The following XXYLT1 variants were observed in gnomAD, a reference collection of about 807,000 sequenced individuals.
The protein encoded by XXYLT1 is UDP-xylose:alpha-xyloside alpha-1,3-xylosyltransferase.
Under a neutral mutation model 28.9 loss-of-function variants are expected in XXYLT1, and 20 were observed. The ratio of observed to expected loss-of-function variants is 0.69; its 90% confidence interval spans 0.49 to 1.00. The LOEUF (loss-of-function observed/expected upper bound fraction) is 1.00, where lower values mean the gene tolerates loss of function less well. XXYLT1 is among the 50% of genes least tolerant of loss of function. XXYLT1 has a pLI of 0.00. For missense variants in XXYLT1, 542 were observed against 560.1 expected (o/e 0.97, Z 0.33); for synonymous variants, 257 against 253.8 (o/e 1.01, Z -0.12).
At chr3:195,070,431 T>A (rs1714738180) in intron 3 of XXYLT1, among the ~76,000 whole-genome samples, 2 of 151,814 alleles carry the variant, frequency 1.3e-5, no homozygotes, top group Non-Finnish European at 2.9e-5. Context: ...TGCTCTGAGA[T>A]GATACATCAT....
At chr3:195,232,741 A>T (rs761965439) in intron 1 of XXYLT1, among the ~76,000 whole-genome samples, 2 of 152,174 alleles carry the variant, frequency 1.3e-5, no homozygotes, top group African/African-American at 2.4e-5. Context: ...GTCAGAGAAG[A>T]TACTTGATAT....
chr3:195,171,543 T>C (rs1185431807), intron 2 of XXYLT1, among the ~76,000 whole-genome samples: 1 of 152,222 alleles, frequency 6.6e-6, no homozygotes, highest in Non-Finnish European at 1.5e-5. Context: ...CATTTTAACC[T>C]TATCCAGGCA....
At chr3:195,141,378 G>A (rs564938170) in intron 3 of XXYLT1, among the ~76,000 whole-genome samples, 11 of 152,316 alleles carry the variant, frequency 7.2e-5, no homozygotes, top group Middle Eastern at 6.8e-3. Flanking sequence ...AGTTTGCTAC[G>A]TGAGTGTCAT....
chr3:195,089,873 A>G (rs575435179), intron 3 of XXYLT1, among the ~76,000 whole-genome samples: 139 of 152,316 alleles, frequency 9.1e-4, no homozygotes, highest in African/African-American at 3.2e-3. Context: ...CAGGGGTTGC[A>G]ATCCTAGTCT....
At chr3:195,123,493 G>A (rs1718470444) in intron 3 of XXYLT1, among the ~76,000 whole-genome samples, 1 of 152,192 alleles carries the variant, frequency 6.6e-6, no homozygotes, top group Admixed American at 6.5e-5. Context: ...TAACAGAGAA[G>A]GCCTCCCTGG....
intron 3 of XXYLT1, among the ~76,000 whole-genome samples, chr3:195,125,070 G>A (rs189307597): frequency 9.2e-5 from 14 of 152,222 alleles, no homozygotes; most frequent in Admixed American, 1.3e-4. Flanking sequence ...CTTGATCCCC[G>A]CCCTCAAGAA....
At chr3:195,094,379 T>C (rs1005283314) in intron 3 of XXYLT1, among the ~76,000 whole-genome samples, 6 of 152,106 alleles carry the variant, frequency 3.9e-5, no homozygotes, top group African/African-American at 1.4e-4. Flanking sequence ...ACCTCGCCCT[T>C]TGCCCAAGAC....
At chr3:195,201,274 C>T (rs772627283) in intron 2 of XXYLT1, among the ~76,000 whole-genome samples, 5 of 152,164 alleles carry the variant, frequency 3.3e-5, no homozygotes, top group Non-Finnish European at 7.4e-5. Context: ...CAGGATTTCC[C>T]TAGAGTGCAT....
At chr3:195,163,672 G>A (rs1338581132) in intron 2 of XXYLT1, among the ~76,000 whole-genome samples, 1 of 152,222 alleles carries the variant, frequency 6.6e-6, no homozygotes, top group Non-Finnish European at 1.5e-5. Context: ...GCATATCACA[G>A]AACACCTCTA....
At position 195,129,215 on chromosome 3, in the gene XXYLT1, C is replaced by CCTCTCT; in HGVS notation, c.785+27228_785+27233dup. The stretch of plus-strand genomic sequence containing the variant: ...ACGGCAGCCATTTACAACCTCCTGC[C>CCTCTCT]CTCTCTCTCTCTCTTTTTTTGGTAA... On this transcript the variant is annotated intron_variant, in intron 3 of 3. Coordinates refer to ENST00000310380, the MANE Select transcript of XXYLT1 (RefSeq NM_152531.5). This position sits in a 1 kb window ranked among gnomAD's most constrained non-coding sequence, Gnocchi z 4.4. Among the ~76,000 whole-genome samples the CCTCTCT allele has an allele frequency of 6.6e-6, 1 of 151,692 alleles. No individual in the cohort carries two copies. The highest frequency in any genetic ancestry group is 1.9e-4 in the East Asian group (1 of 5,158).
chr3:195,155,657 G>A (rs1176177163), intron 3 of XXYLT1, among the ~76,000 whole-genome samples: 1 of 77,834 alleles, frequency 1.3e-5, no homozygotes, highest in Admixed American at 1.6e-4. Flanking sequence ...CCACCCCCAC[G>A]CCCCCCACCG....
chr3:195,220,702 A>G (rs1723787993), intron 2 of XXYLT1, among the ~76,000 whole-genome samples: 1 of 152,178 alleles, frequency 6.6e-6, no homozygotes, highest in African/African-American at 2.4e-5. Context: ...CAATGAATGG[A>G]GCCTATCGCA....
intron 3 of XXYLT1, chr3:195,153,968 G>A (rs1454234191): frequency 1.3e-5 from 2 of 152,296 alleles, no homozygotes; most frequent in East Asian, 1.9e-4. Flanking sequence ...GCCGGGGAGC[G>A]GGGACTTAGA....
intron 3 of XXYLT1, among the ~76,000 whole-genome samples, chr3:195,114,233 C>T (rs1717927592): frequency 6.6e-6 from 1 of 152,202 alleles, no homozygotes; most frequent in Admixed American, 6.5e-5. Context: ...ATTGGGTGGC[C>T]CCCTTCTCGC....
intron 3 of XXYLT1, among the ~76,000 whole-genome samples, chr3:195,080,366 A>C (rs953896057): frequency 1.2e-4 from 18 of 152,170 alleles, no homozygotes; most frequent in Admixed American, 6.5e-5. Context: ...CAGCTGTTCA[A>C]GCCCCAGTAC....
chr3:195,189,608 G>T (rs1399307999), intron 2 of XXYLT1, among the ~76,000 whole-genome samples: 1 of 152,086 alleles, frequency 6.6e-6, no homozygotes, highest in Non-Finnish European at 1.5e-5. Flanking sequence ...GATTCAAGAT[G>T]GCAAAAGAAT....
intron 1 of XXYLT1, among the ~76,000 whole-genome samples, chr3:195,237,499 T>G (rs1378061954): frequency 1.3e-5 from 2 of 152,042 alleles, no homozygotes; most frequent in Non-Finnish European, 2.9e-5. Context: ...AATATGAAGT[T>G]AAAACCAGGT....
intron 2 of XXYLT1, among the ~76,000 whole-genome samples, chr3:195,161,871 G>A (rs1310013397): frequency 6.6e-6 from 1 of 151,998 alleles, no homozygotes; most frequent in East Asian, 1.9e-4. Context: ...GCCCACCTTG[G>A]CCTCCCAAAG....
At chr3:195,092,652 T>C (rs1386509498) in intron 3 of XXYLT1, among the ~76,000 whole-genome samples, 26 of 112,550 alleles carry the variant, frequency 2.3e-4, no homozygotes, top group South Asian at 1.4e-3. Context: ...CCAAAAGCAA[T>C]GGCAACAAAA....
Sources: allele counts gnomAD v4.1 joint callset (sites outside exome capture counted in the v4.1 genomes callset), GRCh38; gene constraint gnomAD v4.1.1; non-coding constraint Gnocchi (gnomAD v3.1); transcripts MANE v1.5; gene names NCBI Gene and HGNC (gene_info 2026-07-23, HGNC 2026-07-21).